TENM3: variants seen among roughly 807,000 people sequenced by gnomAD.
TENM3 encodes the protein teneurin transmembrane protein 3.
Under a neutral mutation model 255.1 loss-of-function variants are expected in TENM3, and 63 were observed. That is an observed-to-expected ratio of 0.25 (90% confidence interval 0.20 to 0.30). The LOEUF (loss-of-function observed/expected upper bound fraction) is 0.30, where lower values mean the gene tolerates loss of function less well. Among genes scored for constraint, TENM3 ranks in the 10% least tolerant of loss-of-function variants. The probability of loss-of-function intolerance (pLI) is 1.00; values close to 1 mark genes in which losing one functional copy is unlikely to be tolerated. For synonymous variants in TENM3, 1,306 were observed against 1,322.3 expected (o/e 0.99, Z 0.27); for missense variants, 2,929 against 3,461.1 (o/e 0.85, Z 3.86).
At chr4:181,466,251 G>A in the TENM3 span, among the ~76,000 whole-genome samples, 4 of 151,962 alleles carry the variant, frequency 2.6e-5, no homozygotes, top group South Asian at 8.3e-4. Context: ...CCGAGTAGCT[G>A]GGATTACAGG....
rs1321272483 is a variant in TENM3 at position 182,792,484 on chromosome 4, G to A, written c.5812G>A (p.Ala1938Thr). Residue 1938 changes from alanine to threonine, a missense_variant, in exon 26 of 28, where the codon GCT (alanine) becomes ACT (threonine). Transcript: ENST00000511685. The surrounding 1 kb of genome is among the most constrained non-coding windows in gnomAD (Gnocchi z 6.3). Reference sequence around the variant, plus strand: ...CGAGGAAGGGCTGCTTCTACAAACAGCTTTCTTGGGTACAAGTCGGAGGGT... The same window carrying A: ...CGAGGAAGGGCTGCTTCTACAAACAACTTTCTTGGGTACAAGTCGGAGGGT... Reference protein sequence around the residue: ...YNEEGLLLQTAFLGTSRRVLF... With the variant: ...YNEEGLLLQTTFLGTSRRVLF... The A allele has an allele frequency of 1.9e-6, 3 of 1,613,924 alleles. No homozygotes were observed. In the African/African-American group the frequency reaches 4.0e-5, roughly 22 times the overall value.
chr4:182,480,721 A>G (rs1411156594), intron 3 of TENM3, among the ~76,000 whole-genome samples: 2 of 152,056 alleles, frequency 1.3e-5, no homozygotes, highest in Non-Finnish European at 2.9e-5. Flanking sequence ...GAAAAATCAA[A>G]GCATATAGAT....
the TENM3 span, among the ~76,000 whole-genome samples, chr4:182,064,757 G>A: frequency 3.3e-5 from 5 of 152,252 alleles, no homozygotes; most frequent in East Asian, 9.7e-4. Flanking sequence ...GAGCAGACAC[G>A]AAGTGAAGAG....
At chr4:181,718,890 GT>G in the TENM3 span, among the ~76,000 whole-genome samples, 13 of 152,198 alleles carry the variant, frequency 8.5e-5, no homozygotes, top group Non-Finnish European at 1.5e-4. Flanking sequence ...CATGGCCATA[GT>G]TTCTCCTTTA....
chr4:182,216,010 A>G (rs1755440149), intron 1 of TENM3, among the ~76,000 whole-genome samples: 1 of 152,220 alleles, frequency 6.6e-6, no homozygotes, highest in Non-Finnish European at 1.5e-5. Context: ...CTCAAAGTTT[A>G]TGGAGAATTT....
the TENM3 span, among the ~76,000 whole-genome samples, chr4:181,973,706 A>G: frequency 6.6e-6 from 1 of 152,218 alleles, no homozygotes; most frequent in Non-Finnish European, 1.5e-5. Flanking sequence ...AGCTGAACTG[A>G]GCCATGACTG....
chr4:181,940,975 A>G, the TENM3 span, among the ~76,000 whole-genome samples: 1 of 152,238 alleles, frequency 6.6e-6, no homozygotes, highest in Non-Finnish European at 1.5e-5. Flanking sequence ...GATGAATTGA[A>G]TACCGGGTGT....
the TENM3 span, among the ~76,000 whole-genome samples, chr4:181,650,666 C>T: frequency 2.0e-5 from 3 of 152,138 alleles, no homozygotes; most frequent in Non-Finnish European, 4.4e-5. Context: ...TTGCAAACCC[C>T]AGATGTCATT....
the TENM3 span, among the ~76,000 whole-genome samples, chr4:182,099,515 G>C: frequency 1.3e-5 from 2 of 152,000 alleles, no homozygotes; most frequent in Admixed American, 1.3e-4. Flanking sequence ...TTTTTAAATG[G>C]TTGAAAAAAT....
At chr4:182,428,714 A>G (rs1771411432) in intron 3 of TENM3, among the ~76,000 whole-genome samples, 1 of 152,142 alleles carries the variant, frequency 6.6e-6, no homozygotes, top group African/African-American at 2.4e-5. Flanking sequence ...ATAATAAAAA[A>G]TATTTCGTAA....
chr4:182,789,511 G>C lies in TENM3; in HGVS notation c.5601+122G>C. Reference sequence around the variant, plus strand: ...GACTGAGTTCCATTTGTTATTCGAAGTATCAATACGGAAGTCACATTGGCA... The same window carrying C: ...GACTGAGTTCCATTTGTTATTCGAACTATCAATACGGAAGTCACATTGGCA... On this transcript the variant is annotated intron_variant, in intron 25 of 27. Transcript: ENST00000511685. This position sits in a 1 kb window ranked among gnomAD's most constrained non-coding sequence, Gnocchi z 4.4. 1.1e-6 allele frequency: 1 copy of C among 942,678 alleles called. No individual in the cohort carries two copies. Among genetic ancestry groups the C allele is most frequent in the Non-Finnish European group, 1.6e-6 (1 of 637,730 alleles). 58.4% of individuals were successfully genotyped at this position (942,678 alleles called of 1,614,324 possible). A position where few individuals can be genotyped will look rare whatever the true frequency, so the allele number is the denominator to read the frequency against.
chr4:182,169,786 A>G (rs1224435513), intron 1 of TENM3, among the ~76,000 whole-genome samples: 1 of 152,094 alleles, frequency 6.6e-6, no homozygotes, highest in Non-Finnish European at 1.5e-5. Context: ...TGTCAGCTAC[A>G]GCTGTTTCTA....
At chr4:182,168,876 A>G (rs968232240) in intron 1 of TENM3, among the ~76,000 whole-genome samples, 8 of 152,082 alleles carry the variant, frequency 5.3e-5, no homozygotes, top group African/African-American at 1.9e-4. Context: ...TCTGAAAAAA[A>G]TTCATGTATA....
At chr4:181,777,734 C>T in the TENM3 span, among the ~76,000 whole-genome samples, 2 of 152,080 alleles carry the variant, frequency 1.3e-5, no homozygotes, top group Non-Finnish European at 2.9e-5. Context: ...TTGAATATCA[C>T]ATAGAAATTT....
the TENM3 span, among the ~76,000 whole-genome samples, chr4:181,650,959 T>C: frequency 6.6e-6 from 1 of 152,234 alleles, no homozygotes; most frequent in Admixed American, 6.5e-5. Flanking sequence ...GTCCTAAGTG[T>C]TCAGCTATTT....
At chr4:181,496,310 C>A in the TENM3 span, among the ~76,000 whole-genome samples, 1 of 141,772 alleles carries the variant, frequency 7.1e-6, no homozygotes, top group Non-Finnish European at 1.5e-5. Flanking sequence ...ACTTATCTTC[C>A]CTTTAGTGTT....
At chr4:182,784,057 G>A (rs550060926) in intron 24 of TENM3, among the ~76,000 whole-genome samples, 11 of 152,244 alleles carry the variant, frequency 7.2e-5, no homozygotes, top group South Asian at 4.2e-4. Context: ...CTCTCAGCTC[G>A]TCAGTCATTC....
intron 12 of TENM3, among the ~76,000 whole-genome samples, chr4:182,694,878 T>G (rs1757278988): frequency 1.3e-5 from 2 of 152,208 alleles, no homozygotes; most frequent in African/African-American, 4.8e-5. Flanking sequence ...GTTCTAATTC[T>G]TATCTCAGAT....
intron 3 of TENM3, among the ~76,000 whole-genome samples, chr4:182,553,368 T>G (rs1346629178): frequency 8.8e-6 from 1 of 113,486 alleles, no homozygotes; most frequent in East Asian, 2.8e-4. Flanking sequence ...CATCACACAC[T>G]GGAGCCTGTC....
Sources: gnomAD v4.1 joint callset for allele counts (sites outside exome capture counted in the v4.1 genomes callset) on GRCh38, gnomAD v4.1.1 for gene constraint, Gnocchi (gnomAD v3.1) non-coding constraint, MANE v1.5 for transcripts, NCBI Gene and HGNC (gene_info 2026-07-23, HGNC 2026-07-21) for gene names.